KANK3: variants seen among roughly 807,000 people sequenced by gnomAD.
KANK3 encodes KN motif and ankyrin repeat domains 3, also known as KN motif and ankyrin repeat domain-containing protein 3.
Under a neutral mutation model 65.4 loss-of-function variants are expected in KANK3, and 61 were observed. The ratio of observed to expected loss-of-function variants is 0.93; its 90% confidence interval spans 0.76 to 1.15. The LOEUF (loss-of-function observed/expected upper bound fraction) is 1.15, where lower values mean the gene tolerates loss of function less well. Among genes scored for constraint, KANK3 ranks in the 50% most tolerant of loss-of-function variants. The pLI, the probability that KANK3 is intolerant of heterozygous loss-of-function variation, is 0.00. For missense variants in KANK3, 1,187 were observed against 1,178.8 expected, an observed-to-expected ratio of 1.01 and a Z score of -0.10; for synonymous variants, 586 against 543.3, an observed-to-expected ratio of 1.08 and a Z score of -1.09.
At chr19:8,340,357 T>G (rs947923555) in intron 1 of KANK3, among the ~76,000 whole-genome samples, 32 of 151,502 alleles carry the variant, frequency 2.1e-4, no homozygotes, top group African/African-American at 4.4e-4. Context: ...CAAAGTAGTA[T>G]TATTATTCAT....
At chr19:8,338,865 T>G (rs1337228950) in intron 1 of KANK3, among the ~76,000 whole-genome samples, 1 of 113,146 alleles carries the variant, frequency 8.8e-6, no homozygotes, top group African/African-American at 3.7e-5. Flanking sequence ...CAGAGCGAGA[T>G]TCCGTCTCAA....
intron 7 of KANK3, among the ~76,000 whole-genome samples, chr19:8,332,534 G>C (rs1211180269): frequency 6.6e-6 from 1 of 151,634 alleles, no homozygotes; most frequent in Non-Finnish European, 1.5e-5. Flanking sequence ...ACCCAAGGAG[G>C]TTGGCTGGGC....
chr19:8,331,982 T>C (rs1379260425), intron 7 of KANK3, among the ~76,000 whole-genome samples: 3 of 19,588 alleles, frequency 1.5e-4, no homozygotes, highest in Non-Finnish European at 3.0e-4. Flanking sequence ...AAAGGCCTCT[T>C]TTTTTTTTTT....
Position 8,334,627 on chromosome 19 carries a change from G to A in KANK3, c.1200C>T (p.Ala400=). ...CACAGCTCCACGGGGTCTGGGTGGT[G>A]GCCTCGCGTAGCTGGGCCCGGGCCC... The part of the protein sequence containing the change: ...AAGARAQLRE[A]TTQTPWSCAE... The change falls in exon 3 of 11, where the codon GCC becomes GCT. Residue 400 remains alanine (A), a synonymous_variant. Coordinates refer to ENST00000330915, the MANE Select transcript of KANK3 (RefSeq NM_198471.3). 1 of 1,559,028 alleles carries A rather than the reference G, an allele frequency of 6.4e-7. No individual in the cohort carries two copies. Among genetic ancestry groups the A allele is most frequent in the Non-Finnish European group, 8.6e-7 (1 of 1,160,178 alleles).
rs1970399229 is a variant in KANK3, at chr19:8,325,041, A to C, written c.1992T>G (p.Ala664=). The C allele has an allele frequency of 1.2e-6, 2 of 1,613,790 alleles. No individual in the cohort carries two copies. Among genetic ancestry groups the C allele is most frequent in the Middle Eastern group, 1.7e-4 (1 of 6,056 alleles). Residue 664 remains alanine (A), a synonymous_variant, in exon 8 of 11, where the codon GCT becomes GCG. Coordinates refer to ENST00000330915, the MANE Select transcript of KANK3 (RefSeq NM_198471.3). The part of the protein sequence containing the change: ...NRAGYSALML[A]ALTSVRQEEE... ...CTTCCTGCCTCACAGAGGTGAGTGCAGCCAGCATGAGGGCCGAGTAGCCGG... is the reference window on the plus strand; with the variant it reads ...CTTCCTGCCTCACAGAGGTGAGTGCCGCCAGCATGAGGGCCGAGTAGCCGG...
At chr19:8,330,929 G>C (rs139562841) in intron 7 of KANK3, among the ~76,000 whole-genome samples, 1 of 151,850 alleles carries the variant, frequency 6.6e-6, no homozygotes, top group Non-Finnish European at 1.5e-5. Context: ...CGGGCAAAGC[G>C]GCTAATGCTT....
At position 8,334,644 on chromosome 19, in the gene KANK3, C is replaced by T. The variant is rs778330445; in HGVS notation, c.1183G>A (p.Ala395Thr). The change falls in exon 3 of 11, where the codon GCC becomes ACC. Residue 395 changes from alanine to threonine, a missense_variant. Coordinates refer to ENST00000330915, the MANE Select transcript of KANK3 (RefSeq NM_198471.3). ...AAEEAAAGAR[A>T]QLREATTQTP... ...TGGGTGGTGGCCTCGCGTAGCTGGG[C>T]CCGGGCCCCCGCCGCTGCCTCCTCC... 3 of 1,531,826 alleles carry T rather than the reference C, an allele frequency of 2.0e-6. No homozygotes were observed. The highest frequency in any genetic ancestry group is 2.0e-5 in the Admixed American group (1 of 50,584). The allele number at this position is 1,531,826 out of a possible 1,614,324, so 94.9% of individuals were successfully genotyped here.
In KANK3 at chr19:8,324,754, G is replaced by A. The variant is rs749369061; in HGVS notation, c.2159C>T (p.Ala720Val). 6.2e-7 allele frequency: 1 copy of A among 1,613,944 alleles called. No homozygotes were observed. Among genetic ancestry groups the A allele is most frequent in the African/African-American group, 1.3e-5 (1 of 74,948 alleles). Reference protein sequence around the residue: ...DMVATLLACGADVNAQDADGA... With the variant: ...DMVATLLACGVDVNAQDADGA... The stretch of plus-strand genomic sequence containing the variant: ...ATCCGCATCCTGCGCATTCACATCA[G>A]CCCCACACGCCAGTAGGGTTGCCAC... Residue 720 changes from alanine to valine, a missense_variant, in exon 9 of 11, where the codon GCT (alanine) becomes GTT (valine). Ala to Val is a moderately conservative substitution (Grantham distance 64). This residue lies in a region of KANK3 where 1,078 missense variants were observed against 1,038.2 expected (regional missense o/e 1.04). Transcript: ENST00000330915.
chr19:8,333,189 G>GGACACTC lies in KANK3; in HGVS notation c.1754_1760dup (p.Gln589ValfsTer101). On this transcript the variant is annotated frameshift_variant, in exon 7 of 11. Coordinates refer to ENST00000330915, the MANE Select transcript of KANK3 (RefSeq NM_198471.3). LOFTEE classifies it high-confidence loss of function. The surrounding 1 kb of genome is among the most constrained non-coding windows in gnomAD (Gnocchi z 5.0). ...GCTCCGCCTGAGAGCGCCGCTGGCTGGACACTCGAAACCACTCCTGGGCCA... is the reference window on the plus strand; with the variant it reads ...GCTCCGCCTGAGAGCGCCGCTGGCTGGACACTCGACACTCGAAACCACTCCTGGGCCA... The GGACACTC allele has an allele frequency of 6.2e-7, 1 of 1,612,594 alleles. No individual in the cohort carries two copies. The highest frequency in any genetic ancestry group is 8.5e-7 in the Non-Finnish European group (1 of 1,179,832).
Position 8,335,342 on chromosome 19 carries a change from C to T in KANK3, c.485G>A (p.Arg162His). The change falls in exon 3 of 11, where the codon CGC becomes CAC. Residue 162 changes from arginine to histidine, a missense_variant. Transcript: ENST00000330915. Reference protein sequence around the residue: ...SPGRGVPRSPRGSGRSSPAPN... With the variant: ...SPGRGVPRSPHGSGRSSPAPN... ...GGCGGGGCTGCTGCGGCCGGACCCG[C>T]GTGGGCTGCGCGGGACCCCGCGGCC... is the stretch of plus-strand genomic sequence containing the variant. The T allele has an allele frequency of 8.4e-7, 1 of 1,194,118 alleles. No individual in the cohort carries two copies. The highest frequency in any genetic ancestry group is 1.6e-5 in the African/African-American group (1 of 62,720). 74.0% of individuals were successfully genotyped at this position (1,194,118 alleles called of 1,614,324 possible).
chr19:8,333,000 C>A lies in KANK3; in HGVS notation c.1936+14G>T. 1 of 1,370,804 alleles carries A rather than the reference C, an allele frequency of 7.3e-7. No homozygotes were observed. 84.9% of individuals were successfully genotyped at this position (1,370,804 alleles called of 1,614,324 possible). On this transcript the variant is annotated intron_variant, in intron 7 of 10. Coordinates refer to ENST00000330915, the MANE Select transcript of KANK3 (RefSeq NM_198471.3). ...CATTTCCTGGTGTCCCACCCACCCTCCCTTGGCTCTGACCCGTATCCAGGA... is the reference window on the plus strand; with the variant it reads ...CATTTCCTGGTGTCCCACCCACCCTACCTTGGCTCTGACCCGTATCCAGGA...
In KANK3 at chr19:8,333,840, G is replaced by C. The variant is rs1200638780; in HGVS notation, c.1635-32C>G. ...AGGAGGCCAGGAGAGACTCAGGATG[G>C]ATCGGGGACAGCGCCGACCAGGAGG... is the stretch of plus-strand genomic sequence containing the variant. On this transcript the variant is annotated intron_variant, in intron 5 of 10. Transcript: ENST00000330915. This position sits in a 1 kb window ranked among gnomAD's most constrained non-coding sequence, Gnocchi z 5.0. 1 of 1,547,400 alleles carries C rather than the reference G, an allele frequency of 6.5e-7. No individual in the cohort carries two copies. The highest frequency in any genetic ancestry group is 1.2e-5 in the South Asian group (1 of 84,020).
At chr19:8,331,543 C>A (rs958182551) in intron 7 of KANK3, among the ~76,000 whole-genome samples, 1 of 152,162 alleles carries the variant, frequency 6.6e-6, no homozygotes, top group Non-Finnish European at 1.5e-5. Context: ...GGTTTCTGAA[C>A]CTGCAGGAGG....
In KANK3 at chr19:8,322,769, G is replaced by T; in HGVS notation, c.*70C>A. ...AGCAGGGGACCCTGGACCCTTCTGT[G>T]CGCCAAAGGCTGAGGTGACTGACGA... is the stretch of plus-strand genomic sequence containing the variant. On this transcript the variant is annotated 3_prime_UTR_variant, in exon 11 of 11. Coordinates refer to ENST00000330915, the MANE Select transcript of KANK3 (RefSeq NM_198471.3). 8.2e-7 allele frequency: 1 copy of T among 1,216,936 alleles called. No homozygotes were observed. The highest frequency in any genetic ancestry group is 1.2e-6 in the Non-Finnish European group (1 of 837,496). The allele number at this position is 1,216,936 out of a possible 1,614,324, so 75.4% of individuals were successfully genotyped here.
intron 1 of KANK3, among the ~76,000 whole-genome samples, chr19:8,340,128 G>A (rs1476482671): frequency 6.6e-6 from 1 of 151,330 alleles, no homozygotes; most frequent in Non-Finnish European, 1.5e-5. Context: ...TGGACACAAT[G>A]GTGCATGCCT....
intron 1 of KANK3, among the ~76,000 whole-genome samples, chr19:8,340,692 A>C (rs1274065039): frequency 1.3e-5 from 2 of 151,166 alleles, no homozygotes; most frequent in African/African-American, 2.4e-5. Context: ...TCATTACCCT[A>C]CTCCACCGCT....
At chr19:8,326,326 G>A (rs559100281) in intron 7 of KANK3, among the ~76,000 whole-genome samples, 7 of 152,140 alleles carry the variant, frequency 4.6e-5, no homozygotes, top group African/African-American at 1.7e-4. Flanking sequence ...CTACTCAGGA[G>A]GCTGAGGCAG....
chr19:8,334,962 C>T lies in KANK3; in HGVS notation c.865G>A (p.Gly289Arg), dbSNP rs762166341. Reference sequence around the variant, plus strand: ...GTCCCATCGAGACTCCCGACCTCCCCGTCGAGGACCTGGAGCGCGCCCTCG... The same window carrying T: ...GTCCCATCGAGACTCCCGACCTCCCTGTCGAGGACCTGGAGCGCGCCCTCG... ...RSEGALQVLDGEVGSLDGTPQ... is the reference protein window; with the variant it reads ...RSEGALQVLDREVGSLDGTPQ... Residue 289 changes from glycine to arginine, a missense_variant, in exon 3 of 11, where the codon GGG (glycine) becomes AGG (arginine). This residue lies in a region of KANK3 where 1,078 missense variants were observed against 1,038.2 expected (regional missense o/e 1.04). Transcript: ENST00000330915. 1.3e-6 allele frequency: 2 copies of T among 1,494,948 alleles called. No individual in the cohort carries two copies. The highest frequency in any genetic ancestry group is 1.3e-5 in the South Asian group (1 of 79,488). 92.6% of individuals were successfully genotyped at this position (1,494,948 alleles called of 1,614,324 possible).
In KANK3 at chr19:8,335,031, TGG is replaced by T; in HGVS notation, c.794_795del (p.Ala265GlufsTer5). 1 of 1,412,916 alleles carries T rather than the reference TGG, an allele frequency of 7.1e-7. No homozygotes were observed. The highest frequency in any genetic ancestry group is 9.2e-7 in the Non-Finnish European group (1 of 1,092,414). 87.5% of individuals were successfully genotyped at this position (1,412,916 alleles called of 1,614,324 possible). A position where few individuals can be genotyped will look rare whatever the true frequency, so the allele number is the denominator to read the frequency against. ...CCGTCTGGGCTGTCAGCCCGGGGGC[TGG>T]CCCTGGCACGGCCGCCGCGCTCGGA... is the stretch of plus-strand genomic sequence containing the variant. ...ATSERGGRAR[A>X]SPRADSPDGL... On this transcript the variant is annotated frameshift_variant, in exon 3 of 11. Transcript: ENST00000330915. LOFTEE classifies it high-confidence loss of function.
Sources: allele counts gnomAD v4.1 joint callset (sites outside exome capture counted in the v4.1 genomes callset), GRCh38; gene constraint gnomAD v4.1.1; regional missense constraint gnomAD v4.1.1; non-coding constraint Gnocchi (gnomAD v3.1); transcripts MANE v1.5; gene names NCBI Gene and HGNC (gene_info 2026-07-23, HGNC 2026-07-21).